Variants in NDST3 observed in about 807,000 individuals in gnomAD.
The protein encoded by NDST3 is N-deacetylase and N-sulfotransferase 3.
NDST3 carries 58 observed loss-of-function variants against 96.1 expected under a neutral mutation model. The observed-to-expected ratio is 0.60, with a 90% CI of 0.49 to 0.75. The LOEUF (loss-of-function observed/expected upper bound fraction) is 0.75, where lower values mean the gene tolerates loss of function less well. Among genes scored for constraint, NDST3 ranks in the 30% least tolerant of loss-of-function variants. NDST3 has a pLI of 0.00. For missense variants in NDST3, 788 were observed against 1,034.2 expected (o/e 0.76, Z 3.27); for synonymous variants, 333 against 359.7 (o/e 0.93, Z 0.84).
At chr4:118,096,904 G>C (rs1027321928) in intron 2 of NDST3, among the ~76,000 whole-genome samples, 3 of 151,918 alleles carry the variant, frequency 2.0e-5, no homozygotes, top group Non-Finnish European at 4.4e-5. Context: ...CGATACTCAA[G>C]AGTCAATGTT....
chr4:118,061,248 T>C (rs191600391), intron 2 of NDST3, among the ~76,000 whole-genome samples: 94 of 152,282 alleles, frequency 6.2e-4, no homozygotes, highest in Middle Eastern at 3.4e-3. Flanking sequence ...CCCAGATTGG[T>C]GCATGGCTCT....
chr4:118,141,640 T>A (rs1254070155), intron 5 of NDST3, among the ~76,000 whole-genome samples: 1 of 152,212 alleles, frequency 6.6e-6, no homozygotes, highest in Admixed American at 6.5e-5. Context: ...ATATATCCTA[T>A]AATTTTCCAA....
chr4:118,053,857 C>T lies in NDST3; in HGVS notation c.-54C>T. The T allele has an allele frequency of 1.3e-6, 2 of 1,519,306 alleles. No individual in the cohort carries two copies. The highest frequency in any genetic ancestry group is 1.8e-6 in the Non-Finnish European group (2 of 1,137,810). 94.1% of individuals were successfully genotyped at this position (1,519,306 alleles called of 1,614,324 possible). A position where few individuals can be genotyped will look rare whatever the true frequency, so the allele number is the denominator to read the frequency against. On this transcript the variant is annotated 5_prime_UTR_variant, in exon 2 of 14. Transcript: ENST00000296499. The stretch of plus-strand genomic sequence containing the variant: ...AAAAGTAGCTGGAACACCATCTTTT[C>T]TTTTAACTTTTTATGGTGCTTCTGT...
intron 2 of NDST3, among the ~76,000 whole-genome samples, chr4:118,070,891 T>C (rs1276380684): frequency 6.6e-6 from 1 of 151,992 alleles, no homozygotes; most frequent in Non-Finnish European, 1.5e-5. Context: ...ACTGAGAACA[T>C]AAGGTGTTTG....
intron 1 of NDST3, among the ~76,000 whole-genome samples, chr4:118,043,761 T>C (rs943093194): frequency 5.3e-5 from 8 of 152,110 alleles, no homozygotes; most frequent in Non-Finnish European, 8.8e-5. Flanking sequence ...TTGGATGAGT[T>C]TGTAGTATGA....
chr4:118,186,292 T>G (rs551184127), intron 6 of NDST3, among the ~76,000 whole-genome samples: 1 of 152,292 alleles, frequency 6.6e-6, no homozygotes, highest in East Asian at 1.9e-4. Context: ...TTCCTCCATT[T>G]TGATTAACTT....
At chr4:118,138,323 A>G in intron 5 of NDST3, 84 bp downstream of exon 5, 1 of 1,247,350 alleles carries the variant, frequency 8.0e-7, no homozygotes, top group Non-Finnish European at 1.1e-6. Flanking sequence ...CACAAATGTT[A>G]GCAGCATAAA....
chr4:118,117,689 C>T (rs191894655), intron 4 of NDST3, among the ~76,000 whole-genome samples: 2 of 152,280 alleles, frequency 1.3e-5, no homozygotes, highest in African/African-American at 4.8e-5. Context: ...AATGCAGTGA[C>T]TTATTCATGA....
chr4:118,243,936 G>T (rs1741154617), intron 12 of NDST3, among the ~76,000 whole-genome samples: 1 of 152,250 alleles, frequency 6.6e-6, no homozygotes, highest in South Asian at 2.1e-4. Flanking sequence ...TAGTCCGTTT[G>T]CACCTGAGCT....
chr4:118,189,090 C>T (rs771770580), intron 6 of NDST3, among the ~76,000 whole-genome samples: 1 of 152,040 alleles, frequency 6.6e-6, no homozygotes, highest in East Asian at 1.9e-4. Flanking sequence ...CACTCTGTTA[C>T]CCAGACTAGA....
chr4:118,149,324 G>A (rs1458162512), intron 6 of NDST3, among the ~76,000 whole-genome samples: 1 of 152,102 alleles, frequency 6.6e-6, no homozygotes, highest in Non-Finnish European at 1.5e-5. Context: ...GGATGACATT[G>A]AATCTCTAAA....
intron 6 of NDST3, among the ~76,000 whole-genome samples, chr4:118,223,211 G>C (rs1578836931): frequency 1.3e-5 from 2 of 152,014 alleles, no homozygotes; most frequent in East Asian, 3.9e-4. Context: ...ATTTAAGAAT[G>C]ATTTTCATAA....
At chr4:118,140,151 G>C (rs1733454823) in intron 5 of NDST3, among the ~76,000 whole-genome samples, 1 of 152,200 alleles carries the variant, frequency 6.6e-6, no homozygotes, top group Non-Finnish European at 1.5e-5. Flanking sequence ...CCCCATAATA[G>C]TATTGCTGTT....
chr4:118,149,430 T>C lies in NDST3; in HGVS notation c.1539+5746T>C, dbSNP rs531993297. ...TTTGTTTGTATCCTCTTTTATTTCC[T>C]TGAGCAGTGGTTTGTAGTTCTCCTT... On this transcript the variant is annotated intron_variant, in intron 6 of 13. Transcript: ENST00000296499. 2.6e-3 allele frequency among the ~76,000 whole-genome samples: 386 copies of C among 149,932 alleles called. 2 individuals carry two copies. The highest frequency in any genetic ancestry group is 8.7e-3 in the African/African-American group (359 of 41,330).
At position 118,141,254 on chromosome 4, in the gene NDST3, G is replaced by C. The variant is rs77572984; in HGVS notation, c.1411-2302G>C. 1.4e-3 allele frequency among the ~76,000 whole-genome samples: 214 copies of C among 152,278 alleles called. 9 individuals are homozygous for C. In the East Asian group the frequency reaches 0.031, roughly 22 times the overall value. On this transcript the variant is annotated intron_variant, in intron 5 of 13. Transcript: ENST00000296499. ...TACATTCCCAGAACCAATTCTAGGG[G>C]GCAGTCCACAGCAGAATGCCTAAAA...
intron 2 of NDST3, among the ~76,000 whole-genome samples, chr4:118,074,325 C>G (rs1285641110): frequency 6.6e-6 from 1 of 151,908 alleles, no homozygotes; most frequent in Non-Finnish European, 1.5e-5. Flanking sequence ...TACCGAATAT[C>G]TTTGTTAGTT....
At chr4:118,232,805 G>A (rs1740396263) in intron 8 of NDST3, among the ~76,000 whole-genome samples, 1 of 152,122 alleles carries the variant, frequency 6.6e-6, no homozygotes, top group South Asian at 2.1e-4. Context: ...CTCAATCCCT[G>A]CAACAGGCCT....
At chr4:118,086,439 T>G (rs980810974) in intron 2 of NDST3, among the ~76,000 whole-genome samples, 2 of 152,116 alleles carry the variant, frequency 1.3e-5, no homozygotes, top group Non-Finnish European at 2.9e-5. Flanking sequence ...CCCTAACATC[T>G]TAAAACTTAG....
At chr4:118,154,228 C>A (rs1310094185) in intron 6 of NDST3, among the ~76,000 whole-genome samples, 1 of 152,140 alleles carries the variant, frequency 6.6e-6, no homozygotes, top group Non-Finnish European at 1.5e-5. Context: ...TGTTCTGTAT[C>A]TGTAAGTCAC....
Sources: allele counts gnomAD v4.1 joint callset (sites outside exome capture counted in the v4.1 genomes callset), GRCh38; gene constraint gnomAD v4.1.1; transcripts MANE v1.5; gene names NCBI Gene and HGNC (gene_info 2026-07-23, HGNC 2026-07-21).